GRAMD2B: variants seen among roughly 807,000 people sequenced by gnomAD.
GRAMD2B encodes the protein GRAM domain containing 2B.
GRAMD2B carries 41 observed loss-of-function variants against 59.2 expected under a neutral mutation model. That is an observed-to-expected ratio of 0.69 (90% CI 0.54 to 0.90). The LOEUF (loss-of-function observed/expected upper bound fraction) is 0.90, where lower values mean the gene tolerates loss of function less well. Among genes scored for constraint, GRAMD2B ranks in the 40% least tolerant of loss-of-function variants. The pLI is 0.00. For synonymous variants in GRAMD2B, 161 were observed against 182.7 expected (o/e 0.88, Z 0.96); for missense variants, 424 against 500.5 (o/e 0.85, Z 1.46).
At chr5:126,371,078 G>C (rs141669248), upstream of GRAMD2B, among the ~76,000 whole-genome samples, 355 of 152,316 alleles carry the variant, frequency 2.3e-3, 2 homozygotes, top group African/African-American at 8.2e-3. Context: ...TTAATGTTTA[G>C]ATGCTGCCAG....
chr5:126,464,556 C>G (rs1465605051), intron 1 of GRAMD2B, among the ~76,000 whole-genome samples: 1 of 152,174 alleles, frequency 6.6e-6, no homozygotes, highest in Non-Finnish European at 1.5e-5. Flanking sequence ...GTTCTATGCA[C>G]AAACCTTCTT....
At chr5:126,363,938 A>G (rs1213824459) in intron 1 of GRAMD2B, among the ~76,000 whole-genome samples, 2 of 152,226 alleles carry the variant, frequency 1.3e-5, no homozygotes, top group Non-Finnish European at 2.9e-5. Flanking sequence ...TACTAAAGCC[A>G]CTGAATTGTA....
intron 13 of GRAMD2B, among the ~76,000 whole-genome samples, chr5:126,489,803 A>AAGG (rs2126977995): frequency 6.6e-6 from 1 of 151,850 alleles, no homozygotes; most frequent in Non-Finnish European, 1.5e-5. Context: ...GCTTAGAGAG[A>AAGG]ATTCAGTGTT....
intron 1 of GRAMD2B, chr5:126,360,571 G>A (rs1561448414): frequency 9.5e-7 from 1 of 1,055,084 alleles, no homozygotes. Context: ...CATGGAGAAT[G>A]TCTTTGATTG....
intron 1 of GRAMD2B, among the ~76,000 whole-genome samples, chr5:126,377,471 G>A (rs1755293947): frequency 6.6e-6 from 1 of 152,150 alleles, no homozygotes; most frequent in Non-Finnish European, 1.5e-5. Context: ...AAAATTTGCA[G>A]ATAGTATTTT....
Position 126,487,506 on chromosome 5 carries a change from G to A in GRAMD2B, c.1163+529G>A, listed in dbSNP as rs148923102. ...TGCCTGGCCTAATTAAACCTTTTCA[G>A]ACATAGAGCTCTTTTCTTTAAACCT... On this transcript the variant is annotated intron_variant, in intron 12 of 13. Coordinates refer to ENST00000285689, the MANE Select transcript of GRAMD2B (RefSeq NM_023927.4). 2.0e-5 allele frequency among the ~76,000 whole-genome samples: 3 copies of A among 152,190 alleles called. No homozygotes were observed. In the East Asian group the frequency reaches 5.8e-4, roughly 29 times the overall value.
At chr5:126,371,138 T>A (rs1389283977), upstream of GRAMD2B, among the ~76,000 whole-genome samples, 13 of 152,260 alleles carry the variant, frequency 8.5e-5, no homozygotes. Context: ...TTTTCCATGC[T>A]TTTCTGACTA....
At chr5:126,434,585 T>C (rs1260756743) in intron 1 of GRAMD2B, among the ~76,000 whole-genome samples, 1 of 152,116 alleles carries the variant, frequency 6.6e-6, no homozygotes, top group Admixed American at 6.5e-5. Flanking sequence ...TGGTGCGATC[T>C]TGGCTCACTG....
chr5:126,381,579 C>T (rs986247529), intron 1 of GRAMD2B, among the ~76,000 whole-genome samples: 1 of 152,110 alleles, frequency 6.6e-6, no homozygotes, highest in African/African-American at 2.4e-5. Flanking sequence ...TTATGTGAGT[C>T]CTTATGTGTT....
At chr5:126,378,385 G>A (rs1235047630) in intron 1 of GRAMD2B, among the ~76,000 whole-genome samples, 1 of 152,096 alleles carries the variant, frequency 6.6e-6, no homozygotes, top group Non-Finnish European at 1.5e-5. Context: ...TACTTTTCTG[G>A]ATTTGGAGAT....
chr5:126,372,299 C>T (rs1246318518), intron 1 of GRAMD2B, among the ~76,000 whole-genome samples: 1 of 152,134 alleles, frequency 6.6e-6, no homozygotes, highest in Non-Finnish European at 1.5e-5. Flanking sequence ...ATCCAACTTT[C>T]ATGTAAACTT....
chr5:126,444,415 T>C (rs924345921), intron 1 of GRAMD2B, among the ~76,000 whole-genome samples: 1 of 152,238 alleles, frequency 6.6e-6, no homozygotes, highest in African/African-American at 2.4e-5. Flanking sequence ...AGCCATTTTT[T>C]ATGAACTGAA....
chr5:126,452,905 G>T (rs1017487943), intron 1 of GRAMD2B, among the ~76,000 whole-genome samples: 3 of 151,968 alleles, frequency 2.0e-5, no homozygotes, highest in Non-Finnish European at 4.4e-5. Context: ...CTATTCTTTT[G>T]CATTTCTATC....
rs1421802091 is a variant in GRAMD2B, at chr5:126,425,012, C to T, written c.83+1323C>T. ...ATCTATGATGGCCTTCCATGGCCTA[C>T]TCTTAAAAATAGGCTTCTCTGCCAA... is the stretch of plus-strand genomic sequence containing the variant. On this transcript the variant is annotated intron_variant, in intron 1 of 13. Transcript: ENST00000285689. Among the ~76,000 whole-genome samples, 3 of 152,226 alleles carry T rather than the reference C, an allele frequency of 2.0e-5. No individual in the cohort carries two copies. The South Asian group carries it at 6.2e-4, about 32-fold the overall frequency.
chr5:126,407,496 C>A (rs535284958), intron 1 of GRAMD2B, among the ~76,000 whole-genome samples: 1 of 151,934 alleles, frequency 6.6e-6, no homozygotes, highest in African/African-American at 2.4e-5. Context: ...ATCTTCCTTT[C>A]CTTCTGCTCA....
chr5:126,463,080 A>G (rs1302581334), intron 1 of GRAMD2B, among the ~76,000 whole-genome samples: 1 of 152,196 alleles, frequency 6.6e-6, no homozygotes, highest in Non-Finnish European at 1.5e-5. Flanking sequence ...GTCAGGGTCA[A>G]AGAGGAGCTG....
Position 126,471,665 on chromosome 5 carries a change from A to G in GRAMD2B, c.316-573A>G, listed in dbSNP as rs557115840. Among the ~76,000 whole-genome samples, 179 of 152,302 alleles carry G rather than the reference A, an allele frequency of 1.2e-3. 1 individual carries two copies. The highest frequency in any genetic ancestry group is 4.2e-3 in the African/African-American group (174 of 41,566). On this transcript the variant is annotated intron_variant, in intron 3 of 13. Coordinates refer to ENST00000285689, the MANE Select transcript of GRAMD2B (RefSeq NM_023927.4). ...GAGTGGCCATATGTTGCCTTAGACT[A>G]TAGGTCCTTTACATGTATTATCCCA...
intron 3 of GRAMD2B, among the ~76,000 whole-genome samples, chr5:126,470,543 G>T (rs938198797): frequency 6.6e-6 from 1 of 151,948 alleles, no homozygotes; most frequent in Admixed American, 6.6e-5. Context: ...GTCACATACT[G>T]CATGTAATTG....
At chr5:126,430,595 C>T (rs1243059246) in intron 1 of GRAMD2B, among the ~76,000 whole-genome samples, 2 of 152,144 alleles carry the variant, frequency 1.3e-5, no homozygotes, top group South Asian at 2.1e-4. Flanking sequence ...CTGGGTATTT[C>T]GTAGAAATCT....
Sources: gnomAD v4.1 joint callset for allele counts (sites outside exome capture counted in the v4.1 genomes callset) on GRCh38, gnomAD v4.1.1 for gene constraint, MANE v1.5 for transcripts, NCBI Gene and HGNC (gene_info 2026-07-23, HGNC 2026-07-21) for gene names.